PIGL: variants seen among roughly 807,000 people sequenced by gnomAD.
PIGL encodes the protein N-acetylglucosaminyl-phosphatidylinositol de-N-acetylase.
PIGL carries 22 observed loss-of-function variants against 31.1 expected under a neutral mutation model. The observed-to-expected ratio is 0.71, with a 90% confidence interval of 0.51 to 1.01. PIGL has a LOEUF of 1.01. Among genes scored for constraint, PIGL ranks in the 50% least tolerant of loss-of-function variants. The pLI, the probability that PIGL is intolerant of heterozygous loss-of-function variation, is 0.00. For synonymous variants in PIGL, 131 were observed against 117.4 expected (o/e 1.12, Z -0.75); for missense variants, 302 against 315.9 (o/e 0.96, Z 0.33).
At chr17:16,325,072 G>A (rs761913128) in intron 6 of PIGL, among the ~76,000 whole-genome samples, 7 of 151,882 alleles carry the variant, frequency 4.6e-5, no homozygotes, top group Non-Finnish European at 1.0e-4. Context: ...CTGGCCAGGC[G>A]CGGTGGCTCA....
At chr17:16,251,206 A>G (rs1220510249) in intron 2 of PIGL, among the ~76,000 whole-genome samples, 4 of 152,088 alleles carry the variant, frequency 2.6e-5, no homozygotes, top group African/African-American at 9.7e-5. Flanking sequence ...TGGGAGGATC[A>G]CTTGAGCCCA....
chr17:16,302,277 G>T (rs1452794352), intron 3 of PIGL, among the ~76,000 whole-genome samples: 2 of 152,094 alleles, frequency 1.3e-5, no homozygotes, highest in Non-Finnish European at 2.9e-5. Flanking sequence ...CCTTCCCAGA[G>T]GATCTGAGCA....
intron 2 of PIGL, among the ~76,000 whole-genome samples, chr17:16,269,023 A>G (rs2092858289): frequency 6.6e-6 from 1 of 152,198 alleles, no homozygotes; most frequent in Admixed American, 6.5e-5. Flanking sequence ...CAGCCTCCCA[A>G]AGTGCTGGGA....
intron 3 of PIGL, among the ~76,000 whole-genome samples, chr17:16,301,815 C>G (rs930291009): frequency 6.6e-6 from 1 of 151,816 alleles, no homozygotes; most frequent in Non-Finnish European, 1.5e-5. Flanking sequence ...ATGATCCACC[C>G]ACCTCGGCCT....
intron 1 of PIGL, among the ~76,000 whole-genome samples, chr17:16,222,167 A>G (rs2092632354): frequency 6.6e-6 from 1 of 152,120 alleles, no homozygotes; most frequent in South Asian, 2.1e-4. Context: ...TTGTAATGTA[A>G]TGAAAGCTAT....
intron 1 of PIGL, among the ~76,000 whole-genome samples, chr17:16,227,438 C>T (rs2092656977): frequency 1.3e-5 from 2 of 151,824 alleles, no homozygotes; most frequent in Non-Finnish European, 2.9e-5. Context: ...TAGTAAGAGT[C>T]GATATGAATG....
chr17:16,240,698 G>T (rs763422758), intron 2 of PIGL, among the ~76,000 whole-genome samples: 3 of 151,088 alleles, frequency 2.0e-5, no homozygotes, highest in Non-Finnish European at 4.4e-5. Context: ...ATGGAGTCTT[G>T]CTAGCTTGCC....
chr17:16,268,201 G>A (rs559035525), intron 2 of PIGL, among the ~76,000 whole-genome samples: 2 of 152,312 alleles, frequency 1.3e-5, no homozygotes, highest in East Asian at 3.9e-4. Context: ...AGGTAGGCTT[G>A]TGAAGAAGCA....
intron 2 of PIGL, among the ~76,000 whole-genome samples, chr17:16,285,439 G>C (rs924647827): frequency 2.6e-5 from 4 of 152,148 alleles, no homozygotes; most frequent in African/African-American, 4.8e-5. Flanking sequence ...ACAAAAATTA[G>C]CCAGGCGCGG....
intron 2 of PIGL, among the ~76,000 whole-genome samples, chr17:16,293,164 C>T (rs1293852314): frequency 1.3e-5 from 2 of 152,154 alleles, no homozygotes; most frequent in Non-Finnish European, 2.9e-5. Flanking sequence ...GGGAAGGGGC[C>T]CCATTAGGAT....
At chr17:16,245,924 A>G (rs2092744578) in intron 2 of PIGL, among the ~76,000 whole-genome samples, 1 of 151,088 alleles carries the variant, frequency 6.6e-6, no homozygotes, top group Admixed American at 6.6e-5. Flanking sequence ...GGTTCACACC[A>G]TTCTCCCACC....
chr17:16,277,869 C>G (rs2092902111), intron 2 of PIGL, among the ~76,000 whole-genome samples: 1 of 152,110 alleles, frequency 6.6e-6, no homozygotes. Context: ...ACAACATACA[C>G]TAAGTCATAT....
intron 6 of PIGL, among the ~76,000 whole-genome samples, chr17:16,325,284 G>T (rs1223054722): frequency 1.4e-5 from 2 of 138,060 alleles, no homozygotes; most frequent in African/African-American, 2.7e-5. Flanking sequence ...GGCAGAGCTT[G>T]CAGTGAGCCA....
chr17:16,262,310 C>G (rs1279488585), intron 2 of PIGL, among the ~76,000 whole-genome samples: 1 of 152,082 alleles, frequency 6.6e-6, no homozygotes, highest in Non-Finnish European at 1.5e-5. Context: ...GCCAAATGGC[C>G]CCAAATCACA....
At chr17:16,243,596 T>C (rs1235395826) in intron 2 of PIGL, among the ~76,000 whole-genome samples, 2 of 152,222 alleles carry the variant, frequency 1.3e-5, no homozygotes, top group Non-Finnish European at 2.9e-5. Context: ...AAGTTTTTAA[T>C]TGCGTAACCT....
At chr17:16,274,555 TCTACTAAAA>T (rs1012675916) in intron 2 of PIGL, among the ~76,000 whole-genome samples, 1 of 151,564 alleles carries the variant, frequency 6.6e-6, no homozygotes, top group East Asian at 1.9e-4. Context: ...AAACCTCGTC[TCTACTAAAA>T]ATACTAAAAT....
chr17:16,317,350 A>G (rs1047697203), intron 5 of PIGL: 4 of 950,038 alleles, frequency 4.2e-6, no homozygotes, highest in Non-Finnish European at 5.1e-6. Context: ...GTCTCACACT[A>G]TCAACACCAA....
intron 2 of PIGL, among the ~76,000 whole-genome samples, chr17:16,241,236 G>A (rs1261276470): frequency 6.6e-6 from 1 of 151,778 alleles, no homozygotes; most frequent in Non-Finnish European, 1.5e-5. Flanking sequence ...TTGCAAAGGA[G>A]GAGAATTGGG....
chr17:16,281,867 C>T (rs2092917751), intron 2 of PIGL: 1 of 242,380 alleles, frequency 4.1e-6, no homozygotes, highest in Non-Finnish European at 9.1e-6. Context: ...GGTGGGGTGC[C>T]CACTGGTACA....
Sources: gnomAD v4.1 joint callset for allele counts (sites outside exome capture counted in the v4.1 genomes callset) on GRCh38, gnomAD v4.1.1 for gene constraint, MANE v1.5 for transcripts, NCBI Gene and HGNC (gene_info 2026-07-23, HGNC 2026-07-21) for gene names.